C3AR1: variants seen among roughly 807,000 people sequenced by gnomAD.
C3AR1 encodes the protein C3a anaphylatoxin chemotactic receptor.
For missense variants in C3AR1, 579 were observed against 583.5 expected (o/e 0.99, Z 0.08); for synonymous variants, 208 against 225.3 (o/e 0.92, Z 0.69).
At chr12:8,060,219 T>C in intron 1 of C3AR1, 24 bp from the exon 2 acceptor site, 1 of 1,538,208 alleles carries the variant, frequency 6.5e-7, no homozygotes. Context: ...AAAAAAATGT[T>C]AAAACAAACA....
intron 1 of C3AR1, among the ~76,000 whole-genome samples, chr12:8,062,996 C>T (rs1345674229): frequency 3.0e-5 from 3 of 99,854 alleles, no homozygotes; most frequent in East Asian, 6.7e-4. Context: ...CTCGCTCTGT[C>T]TCCCAGGCTG....
At chr12:8,062,615 A>G (rs980411883) in intron 1 of C3AR1, among the ~76,000 whole-genome samples, 1 of 152,172 alleles carries the variant, frequency 6.6e-6, no homozygotes. Context: ...TTTGGGGCCT[A>G]CGCCTACTGT....
Position 8,059,871 on chromosome 12 carries a change from G to C in C3AR1, c.315C>G (p.Asn105Lys), listed in dbSNP as rs566712249. Reference protein sequence around the residue: ...CKLIPSIIVLNMFASVFLLTA... With the variant: ...CKLIPSIIVLKMFASVFLLTA... ...TAAGCAGGAAGACACTGGCAAACAT[G>C]TTGAGGACAATGATGGAGGGGATGA... is the stretch of plus-strand genomic sequence containing the variant. Residue 105 changes from asparagine (N) to lysine (K), a missense_variant, in exon 2 of 2, where the codon AAC becomes AAG. Asn to Lys is a moderately conservative substitution (Grantham distance 94, BLOSUM62 0). Transcript: ENST00000307637. 1.2e-6 allele frequency: 2 copies of C among 1,614,216 alleles called. No individual in the cohort carries two copies. The highest frequency in any genetic ancestry group is 1.7e-6 in the Non-Finnish European group (2 of 1,180,036).
chr12:8,065,170 TAA>T (rs58558758), intron 1 of C3AR1, among the ~76,000 whole-genome samples: 7 of 143,066 alleles, frequency 4.9e-5, no homozygotes, highest in African/African-American at 5.3e-5. Context: ...AAAATCACAT[TAA>T]AAAAAAAAAG....
chr12:8,062,497 A>G (rs1187457541), intron 1 of C3AR1, among the ~76,000 whole-genome samples: 1 of 152,042 alleles, frequency 6.6e-6, no homozygotes. Flanking sequence ...TGTCCCTAAG[A>G]CATCTTTTAT....
At position 8,066,349 on chromosome 12, in the gene C3AR1, T is replaced by C. The variant is rs1048640463; in HGVS notation, c.-82A>G. 1.9e-4 allele frequency: 29 copies of C among 152,370 alleles called. No individual in the cohort carries two copies. Among genetic ancestry groups the C allele is most frequent in the African/African-American group, 6.7e-4 (28 of 41,588 alleles). 9.4% of individuals were successfully genotyped at this position (152,370 alleles called of 1,614,324 possible). The stretch of plus-strand genomic sequence containing the variant: ...CACGAGTCCTGTCTGGTCCCCACAC[T>C]TAGCCACAGTGAAGTCATGAAGTAT... On this transcript the variant is annotated 5_prime_UTR_variant, in exon 1 of 2. Coordinates refer to ENST00000307637, the MANE Select transcript of C3AR1 (RefSeq NM_004054.4).
chr12:8,059,378 G>A lies in C3AR1; in HGVS notation c.808C>T (p.Pro270Ser). Residue 270 changes from proline to serine, a missense_variant, in exon 2 of 2, where the codon CCC becomes TCC. Physicochemically the swap from Pro to Ser is moderately conservative, Grantham distance 74. Transcript: ENST00000307637. ...TGATCTTCAATAGGAAACCCACTGGGGATTTTAGGTGAGACCACATCAGCA... is the reference window on the plus strand; with the variant it reads ...TGATCTTCAATAGGAAACCCACTGGAGATTTTAGGTGAGACCACATCAGCA... ...KPADVVSPKIPSGFPIEDHET... is the reference protein window; with the variant it reads ...KPADVVSPKISSGFPIEDHET... 6.2e-7 allele frequency: 1 copy of A among 1,614,110 alleles called. No homozygotes were observed. The highest frequency in any genetic ancestry group is 1.3e-5 in the African/African-American group (1 of 75,040).
chr12:8,060,067 C>A lies in C3AR1; in HGVS notation c.119G>T (p.Gly40Val), dbSNP rs763267564. Residue 40 changes from glycine (G) to valine (V), a missense_variant, in exon 2 of 2, where the codon GGC (glycine) becomes GTC (valine). Gly to Val is a moderately radical substitution (Grantham distance 109, BLOSUM62 -3). Transcript: ENST00000307637. ...AGCCACCCACAGCACCAGCCCATTG[C>A]CTGGCAATCCCAGTAAAAAAGTAAG... ...LSLTFLLGLP[G>V]NGLVLWVAGL... is the part of the protein sequence containing the mutation. 2 of 1,614,082 alleles carry A rather than the reference C, an allele frequency of 1.2e-6. No homozygotes were observed. The highest frequency in any genetic ancestry group is 8.5e-7 in the Non-Finnish European group (1 of 1,180,012).
At position 8,061,617 on chromosome 12, in the gene C3AR1, C is replaced by T. The variant is rs1056194051; in HGVS notation, c.-10-1422G>A. On this transcript the variant is annotated intron_variant, in intron 1 of 1. Coordinates refer to ENST00000307637, the MANE Select transcript of C3AR1 (RefSeq NM_004054.4). Reference sequence around the variant, plus strand: ...AGCTGGGACTGCAGTTGCCCACCAACGTACCAACTAATTTTTGTATTTTTA... The same window carrying T: ...AGCTGGGACTGCAGTTGCCCACCAATGTACCAACTAATTTTTGTATTTTTA... Among the ~76,000 whole-genome samples the T allele has an allele frequency of 9.9e-5, 15 of 152,066 alleles. 1 individual carries two copies. The highest frequency in any genetic ancestry group is 5.9e-5 in the Non-Finnish European group (4 of 68,018).
intron 1 of C3AR1, among the ~76,000 whole-genome samples, chr12:8,064,069 C>CAAAAGAAAAA (rs1947305701): frequency 6.9e-6 from 1 of 145,610 alleles, no homozygotes; most frequent in African/African-American, 2.5e-5. Flanking sequence ...GACTCTGTCT[C>CAAAAGAAAAA]AAAAGAAAAA....
chr12:8,058,850 C>T lies in C3AR1; in HGVS notation c.1336G>A (p.Ala446Thr). 6.2e-7 allele frequency: 1 copy of T among 1,614,186 alleles called. No homozygotes were observed. Residue 446 changes from alanine to threonine, a missense_variant, in exon 2 of 2, where the codon GCA (alanine) becomes ACA (threonine). Ala to Thr is a moderately conservative substitution (Grantham distance 58). Transcript: ENST00000307637. ...ALLGKDFRKK[A>T]RQSIQGILEA... ...AGAATTCCCTGAATGGACTGCCTTGCTTTCTTCCTAAAATCTTTCCCCAAG... is the reference window on the plus strand; with the variant it reads ...AGAATTCCCTGAATGGACTGCCTTGTTTTCTTCCTAAAATCTTTCCCCAAG...
intron 1 of C3AR1, among the ~76,000 whole-genome samples, chr12:8,062,889 TC>T (rs766579944): frequency 2.1e-4 from 32 of 149,670 alleles, no homozygotes; most frequent in Non-Finnish European, 4.0e-4. Flanking sequence ...CCTCAGGCGA[TC>T]CGCCCGCCTC....
rs1947217727 is a variant in C3AR1, at chr12:8,058,454, T to C, written c.*283A>G. 1 of 335,536 alleles carries C rather than the reference T, an allele frequency of 3.0e-6. No homozygotes were observed. Among genetic ancestry groups the C allele is most frequent in the Non-Finnish European group, 5.4e-6 (1 of 183,686 alleles). The allele number at this position is 335,536 out of a possible 1,614,324, so 20.8% of individuals were successfully genotyped here. On this transcript the variant is annotated 3_prime_UTR_variant, in exon 2 of 2. Coordinates refer to ENST00000307637, the MANE Select transcript of C3AR1 (RefSeq NM_004054.4). ...TAGAACTAATGTTTACAATGATTCT[T>C]ACATTTAGCATTAATCAGAAACGAG...
chr12:8,059,597 G>A lies in C3AR1; in HGVS notation c.589C>T (p.Leu197Phe), dbSNP rs1003032720. Residue 197 changes from leucine (L) to phenylalanine (F), a missense_variant, in exon 2 of 2, where the codon CTT becomes TTT. Physicochemically the swap from Leu to Phe is conservative, Grantham distance 22. Coordinates refer to ENST00000307637, the MANE Select transcript of C3AR1 (RefSeq NM_004054.4). Reference protein sequence around the residue: ...FYGDPLENRSLENIVQPPGEM... With the variant: ...FYGDPLENRSFENIVQPPGEM... Reference sequence around the variant, plus strand: ...CCAGGCGGCTGAACAATGTTTTCAAGAGACCTGTTTTCTAGTGGATCTCCA... The same window carrying A: ...CCAGGCGGCTGAACAATGTTTTCAAAAGACCTGTTTTCTAGTGGATCTCCA... 6.2e-7 allele frequency: 1 copy of A among 1,614,166 alleles called. No individual in the cohort carries two copies. Among genetic ancestry groups the A allele is most frequent in the Admixed American group, 1.7e-5 (1 of 60,014 alleles).
Position 8,059,208 on chromosome 12 carries a change from G to A in C3AR1, c.978C>T (p.Asp326=), listed in dbSNP as rs1453300461. 1.2e-5 allele frequency: 19 copies of A among 1,614,196 alleles called. No homozygotes were observed. The highest frequency in any genetic ancestry group is 2.2e-5 in the East Asian group (1 of 44,882). The change falls in exon 2 of 2, where the codon GAC becomes GAT. Residue 326 remains aspartate (D), a synonymous_variant. Transcript: ENST00000307637. ...CCACGAGGGGTGTTGGCACTTGATCGTCATCTGTGAATTGGCCTAAATTGT... is the reference window on the plus strand; with the variant it reads ...CCACGAGGGGTGTTGGCACTTGATCATCATCTGTGAATTGGCCTAAATTGT... The part of the protein sequence containing the change: ...DYYNLGQFTD[D]DQVPTPLVAI...
Position 8,058,907 on chromosome 12 carries a change from T to C in C3AR1, c.1279A>G (p.Asn427Asp). 6.2e-7 allele frequency: 1 copy of C among 1,614,126 alleles called. No individual in the cohort carries two copies. Among genetic ancestry groups the C allele is most frequent in the South Asian group, 1.1e-5 (1 of 91,084 alleles). ...DHVCIALASA[N>D]SCFNPFLYAL... Reference sequence around the variant, plus strand: ...TAAAGGAAGGGATTAAAGCAACTATTGGCAGATGCTAGAGCAATGCATACA... The same window carrying C: ...TAAAGGAAGGGATTAAAGCAACTATCGGCAGATGCTAGAGCAATGCATACA... Residue 427 changes from asparagine to aspartate, a missense_variant, in exon 2 of 2, where the codon AAT becomes GAT. Asn to Asp is a conservative substitution (Grantham distance 23). Coordinates refer to ENST00000307637, the MANE Select transcript of C3AR1 (RefSeq NM_004054.4).
chr12:8,065,148 C>CA (rs34054766), intron 1 of C3AR1, among the ~76,000 whole-genome samples: 37,150 of 129,548 alleles, frequency 0.29, 7,457 homozygotes, highest in African/African-American at 0.58. Context: ...TTTTTACTAC[C>CA]AAAAAAAAAA....
In C3AR1 at chr12:8,058,081, G is replaced by C. The variant is rs1034640968; in HGVS notation, c.*656C>G. On this transcript the variant is annotated 3_prime_UTR_variant, in exon 2 of 2. Transcript: ENST00000307637. The stretch of plus-strand genomic sequence containing the variant: ...TTAGTTGTAATAGTGGAAACTCTAT[G>C]TAATAGTGGAAATTTCTATATCCTG... Among the ~76,000 whole-genome samples the C allele has an allele frequency of 1.3e-5, 2 of 152,216 alleles. No homozygotes were observed. The highest frequency in any genetic ancestry group is 4.8e-5 in the African/African-American group (2 of 41,448).
In C3AR1 at chr12:8,059,785, C is replaced by T. The variant is rs756745490; in HGVS notation, c.401G>A (p.Arg134His). 1.2e-4 allele frequency: 195 copies of T among 1,613,980 alleles called. No homozygotes were observed. Among genetic ancestry groups the T allele is most frequent in the Non-Finnish European group, 1.6e-4 (183 of 1,180,026 alleles). ...GATAGAGCAGGCCATCCCTACATTG[C>T]GATGATTCTGACACCAGATTGGCTT... is the stretch of plus-strand genomic sequence containing the variant. ...VFKPIWCQNH[R>H]NVGMACSICG... The change falls in exon 2 of 2, where the codon CGC becomes CAC. Residue 134 changes from arginine to histidine, a missense_variant. By Grantham distance (29) the Arg-to-His change is conservative. Transcript: ENST00000307637.
Sources: allele counts gnomAD v4.1 joint callset (sites outside exome capture counted in the v4.1 genomes callset), GRCh38; gene constraint gnomAD v4.1.1; transcripts MANE v1.5; gene names NCBI Gene and HGNC (gene_info 2026-07-23, HGNC 2026-07-21).